The following BACH2 variants were observed in gnomAD, a reference collection of about 807,000 sequenced individuals.
BACH2 encodes transcription regulator protein BACH2.
Under a neutral mutation model 61.8 loss-of-function variants are expected in BACH2, and 5 were observed. The ratio of observed to expected loss-of-function variants is 0.08; its 90% CI spans 0.04 to 0.17. BACH2 has a LOEUF of 0.17. Among genes scored for constraint, BACH2 ranks in the 10% least tolerant of loss-of-function variants. The pLI is 1.00. For synonymous variants in BACH2, 446 were observed against 440.1 expected (o/e 1.01, Z -0.17); for missense variants, 824 against 1,091.1 (o/e 0.76, Z 3.45).
At chr6:89,974,960 C>T (rs527543628) in intron 6 of BACH2, among the ~76,000 whole-genome samples, 1 of 152,306 alleles carries the variant, frequency 6.6e-6, no homozygotes, top group African/African-American at 2.4e-5. Context: ...CACTTGAAAT[C>T]TGAAGTGCGG....
chr6:89,970,441 A>G (rs989346996), intron 6 of BACH2, among the ~76,000 whole-genome samples: 2 of 152,230 alleles, frequency 1.3e-5, no homozygotes, highest in Non-Finnish European at 2.9e-5. Flanking sequence ...CTGACCAGAT[A>G]ATCAGGTAAT....
chr6:90,281,719 C>G (rs1344503068), intron 1 of BACH2, among the ~76,000 whole-genome samples: 2 of 152,058 alleles, frequency 1.3e-5, no homozygotes, highest in African/African-American at 4.8e-5. Context: ...TAAGATTCAT[C>G]CATTTTGATG....
chr6:90,283,061 CAT>C (rs1188672913), intron 1 of BACH2, among the ~76,000 whole-genome samples: 1 of 152,192 alleles, frequency 6.6e-6, no homozygotes, highest in Non-Finnish European at 1.5e-5. Context: ...AGTGTGTAAT[CAT>C]ATGTTACTAT....
intron 6 of BACH2, among the ~76,000 whole-genome samples, chr6:89,966,590 T>C (rs1775060357): frequency 6.6e-6 from 1 of 152,226 alleles, no homozygotes; most frequent in African/African-American, 2.4e-5. Flanking sequence ...AGTCACCCAC[T>C]TCCCCTCCCT....
At chr6:89,981,044 G>T (rs1341053957) in intron 6 of BACH2, among the ~76,000 whole-genome samples, 1 of 150,582 alleles carries the variant, frequency 6.6e-6, no homozygotes, top group Non-Finnish European at 1.5e-5. Flanking sequence ...GGTATTTTGG[G>T]AAGAAAAAAA....
intron 4 of BACH2, among the ~76,000 whole-genome samples, chr6:90,176,475 CAG>C (rs1218569639): frequency 1.3e-5 from 2 of 152,080 alleles, no homozygotes; most frequent in Non-Finnish European, 1.5e-5. Context: ...AGGTGCCTAA[CAG>C]AGGAATTTAT....
intron 6 of BACH2, among the ~76,000 whole-genome samples, chr6:90,004,892 C>G (rs1395356999): frequency 6.6e-6 from 1 of 152,164 alleles, no homozygotes; most frequent in East Asian, 1.9e-4. Flanking sequence ...TTATCTCCTA[C>G]TATTTGCTGA....
At chr6:90,169,704 G>A (rs1028982894) in intron 4 of BACH2, among the ~76,000 whole-genome samples, 29 of 152,182 alleles carry the variant, frequency 1.9e-4, no homozygotes, top group African/African-American at 6.8e-4. Context: ...GTACACTGCT[G>A]CCGTCTTTAA....
At chr6:89,955,339 A>G (rs996195027) in intron 6 of BACH2, among the ~76,000 whole-genome samples, 4 of 152,252 alleles carry the variant, frequency 2.6e-5, no homozygotes, top group Non-Finnish European at 5.9e-5. Context: ...TAACTAAGTA[A>G]CAATGTAAGC....
rs6910334 is a variant in BACH2 at position 90,101,045 on chromosome 6, C to T, written c.-161-11936G>A. 4.3e-3 allele frequency among the ~76,000 whole-genome samples: 656 copies of T among 152,250 alleles called. 5 individuals carry two copies. The highest frequency in any genetic ancestry group is 0.029 in the South Asian group (142 of 4,832). On this transcript the variant is annotated intron_variant, in intron 4 of 8. Transcript: ENST00000257749. The stretch of plus-strand genomic sequence containing the variant: ...ATTCACTTACTGGCCATTTGTATAT[C>T]TTTTTCTGAGAAATGCATATTTTAG...
rs184052787 is a variant in BACH2, at chr6:90,179,941, G to A, written c.-162+26628C>T. On this transcript the variant is annotated intron_variant, in intron 4 of 8. Coordinates refer to ENST00000257749, the MANE Select transcript of BACH2 (RefSeq NM_021813.4). ...AATATCCATGAGTAGGGCAATTGTAGAATAAAAAATTCTAATAGTTACCCC... is the reference window on the plus strand; with the variant it reads ...AATATCCATGAGTAGGGCAATTGTAAAATAAAAAATTCTAATAGTTACCCC... Among the ~76,000 whole-genome samples, 39 of 152,136 alleles carry A rather than the reference G, an allele frequency of 2.6e-4. No individual in the cohort carries two copies. The East Asian group carries it at 6.2e-3, about 24-fold the overall frequency.
At chr6:90,191,757 T>C (rs62408210) in intron 4 of BACH2, among the ~76,000 whole-genome samples, 2 of 152,220 alleles carry the variant, frequency 1.3e-5, no homozygotes, top group Non-Finnish European at 2.9e-5. Flanking sequence ...GCTAATGCAG[T>C]ATCTGGCAAA....
chr6:90,257,307 G>A (rs1320070750), intron 2 of BACH2, among the ~76,000 whole-genome samples: 5 of 152,120 alleles, frequency 3.3e-5, no homozygotes, highest in South Asian at 2.1e-4. Flanking sequence ...CCTCTATAAC[G>A]TTTTCCATAA....
chr6:89,949,786 T>A (rs1257931118), intron 7 of BACH2, among the ~76,000 whole-genome samples: 1 of 152,128 alleles, frequency 6.6e-6, no homozygotes, highest in African/African-American at 2.4e-5. Context: ...GGTCTTCTGT[T>A]GACAAGGAAA....
intron 3 of BACH2, among the ~76,000 whole-genome samples, chr6:90,232,890 GTT>G (rs1444670898): frequency 1.3e-5 from 2 of 151,872 alleles, no homozygotes; most frequent in African/African-American, 4.8e-5. Flanking sequence ...TCACTTTTTT[GTT>G]GTCTGCTTTA....
At chr6:90,046,865 T>G (rs189870362) in intron 5 of BACH2, among the ~76,000 whole-genome samples, 3 of 152,208 alleles carry the variant, frequency 2.0e-5, no homozygotes, top group Non-Finnish European at 4.4e-5. Flanking sequence ...TAAACCATAT[T>G]CTTATGCCCA....
At chr6:90,032,309 G>A (rs531204729) in intron 5 of BACH2, among the ~76,000 whole-genome samples, 8 of 147,104 alleles carry the variant, frequency 5.4e-5, no homozygotes, top group African/African-American at 1.8e-4. Context: ...AGTACTTCAT[G>A]TCTAAAACAC....
chr6:90,169,978 T>A (rs1301703708), intron 4 of BACH2, among the ~76,000 whole-genome samples: 1 of 152,236 alleles, frequency 6.6e-6, no homozygotes, highest in Non-Finnish European at 1.5e-5. Flanking sequence ...GAGGATTTTT[T>A]ACAAGTTTTG....
At chr6:90,164,572 C>A (rs868749546) in intron 4 of BACH2, among the ~76,000 whole-genome samples, 37 of 152,242 alleles carry the variant, frequency 2.4e-4, no homozygotes, top group African/African-American at 8.7e-4. Context: ...ATGAGGCCAG[C>A]ATCATCCTGA....
Sources: gnomAD v4.1 joint callset for allele counts (sites outside exome capture counted in the v4.1 genomes callset) on GRCh38, gnomAD v4.1.1 for gene constraint, MANE v1.5 for transcripts, NCBI Gene and HGNC (gene_info 2026-07-23, HGNC 2026-07-21) for gene names.